FGF14: variants seen among roughly 807,000 people sequenced by gnomAD.
FGF14 encodes fibroblast growth factor 14.
FGF14 carries 5 observed loss-of-function variants against 25.5 expected under a neutral mutation model. The observed-to-expected ratio is 0.20, with a 90% CI of 0.10 to 0.41. The LOEUF is 0.41. FGF14 is among the 10% of genes least tolerant of loss of function. The pLI is 1.00. For synonymous variants in FGF14, 138 were observed against 118.3 expected, an observed-to-expected ratio of 1.17 and a Z score of -1.08; for missense variants, 222 against 320.1, an observed-to-expected ratio of 0.69 and a Z score of 2.34.
At chr13:101,921,882 A>G (rs919102276), upstream of FGF14, among the ~76,000 whole-genome samples, 4 of 152,210 alleles carry the variant, frequency 2.6e-5, no homozygotes, top group Non-Finnish European at 5.9e-5. Context: ...ATTTAAAATT[A>G]CAACTCATAA....
chr13:102,239,038 C>A (rs1409321107), intron 1 of FGF14, among the ~76,000 whole-genome samples: 1 of 151,788 alleles, frequency 6.6e-6, no homozygotes, highest in Admixed American at 6.6e-5. Context: ...GAACACTTCA[C>A]TGCAGCTGAG....
chr13:101,906,613 T>C (rs186365260), intron 1 of FGF14, among the ~76,000 whole-genome samples: 220 of 152,296 alleles, frequency 1.4e-3, no homozygotes, highest in Middle Eastern at 3.4e-3. Flanking sequence ...ACTGCATTCA[T>C]GTCTCGTTGT....
chr13:102,101,578 C>T lies in FGF14; in HGVS notation c.209-226282G>A, dbSNP rs531899511. ...GTGTACCCATTCTTTATCTCAAATA[C>T]ACTTTGCATTCATCCCAAAGCAAAG... On this transcript the variant is annotated intron_variant, in intron 1 of 4. Coordinates refer to the FGF14 transcript ENST00000376131. Among the ~76,000 whole-genome samples the T allele has an allele frequency of 9.2e-5, 14 of 152,290 alleles. No individual in the cohort carries two copies. In the South Asian group the frequency reaches 2.7e-3, roughly 29 times the overall value.
intron 3 of FGF14, among the ~76,000 whole-genome samples, chr13:101,736,495 C>T (rs780922835): frequency 1.3e-5 from 2 of 151,984 alleles, no homozygotes; most frequent in Non-Finnish European, 2.9e-5. Context: ...TATATTTTTA[C>T]GTTTCCTATT....
At chr13:102,085,639 A>G (rs1308246226) in intron 1 of FGF14, among the ~76,000 whole-genome samples, 2 of 152,230 alleles carry the variant, frequency 1.3e-5, no homozygotes, top group Non-Finnish European at 2.9e-5. Flanking sequence ...ACAATGTATT[A>G]TCCTGGGGAG....
At chr13:102,381,428 G>A (rs975047143) in intron 1 of FGF14, among the ~76,000 whole-genome samples, 7 of 152,140 alleles carry the variant, frequency 4.6e-5, no homozygotes, top group South Asian at 2.1e-4. Context: ...AGAGGCTCAC[G>A]GAAGATTGTT....
At chr13:101,903,036 GCCA>G (rs2031768892) in intron 1 of FGF14, among the ~76,000 whole-genome samples, 1 of 152,108 alleles carries the variant, frequency 6.6e-6, no homozygotes, top group Admixed American at 6.6e-5. Flanking sequence ...AGATCAGCTT[GCCA>G]GTTTTCTGGG....
At chr13:102,000,518 T>C (rs2039433723) in intron 1 of FGF14, among the ~76,000 whole-genome samples, 1 of 152,206 alleles carries the variant, frequency 6.6e-6, no homozygotes, top group African/African-American at 2.4e-5. Flanking sequence ...ATTGGCCTCA[T>C]TTATAGTTTT....
rs181747939 is a variant in FGF14 at position 101,720,389 on chromosome 13, A to G, written c.*2442T>C. Reference sequence around the variant, plus strand: ...AGACACCCCATATATAAAACACAACAGAGATACACATTTACATAAATCTCA... The same window carrying G: ...AGACACCCCATATATAAAACACAACGGAGATACACATTTACATAAATCTCA... On this transcript the variant is annotated 3_prime_UTR_variant, in exon 5 of 5. Coordinates refer to ENST00000376143, the MANE Select transcript of FGF14 (RefSeq NM_004115.4). 1.1e-4 allele frequency: 16 copies of G among 152,282 alleles called. No individual in the cohort carries two copies. The highest frequency in any genetic ancestry group is 2.1e-4 in the Non-Finnish European group (14 of 68,004). 9.4% of individuals were successfully genotyped at this position (152,282 alleles called of 1,614,324 possible).
intron 1 of FGF14, among the ~76,000 whole-genome samples, chr13:102,048,537 C>T (rs1168293455): frequency 6.6e-6 from 1 of 152,116 alleles, no homozygotes; most frequent in Non-Finnish European, 1.5e-5. Context: ...TGCCCGCTGT[C>T]GTGTATGACA....
intron 3 of FGF14, among the ~76,000 whole-genome samples, chr13:101,774,870 T>A (rs1182343560): frequency 1.3e-5 from 2 of 150,124 alleles, no homozygotes; most frequent in African/African-American, 4.9e-5. Flanking sequence ...CTGGCCAACA[T>A]GGTGAAACCG....
intron 1 of FGF14, among the ~76,000 whole-genome samples, chr13:102,019,083 G>A (rs1425315122): frequency 2.0e-5 from 3 of 152,112 alleles, no homozygotes; most frequent in South Asian, 2.1e-4. Flanking sequence ...AAGGCATCAT[G>A]ACAATATGCT....
At chr13:102,154,937 A>G (rs2607640) in intron 1 of FGF14, among the ~76,000 whole-genome samples, 103,750 of 151,944 alleles carry the variant, frequency 0.68, 36,560 homozygotes, top group East Asian at 0.92. Context: ...TAATGGTAAA[A>G]GGATCAATTC....
chr13:102,149,750 A>C (rs1203905434), intron 1 of FGF14, among the ~76,000 whole-genome samples: 1 of 152,242 alleles, frequency 6.6e-6, no homozygotes, highest in Non-Finnish European at 1.5e-5. Flanking sequence ...TCAGGCAGCA[A>C]GAGCAGCCCA....
At chr13:101,907,779 T>TACAGGAGGATGTGGGATAAC (rs1398145919) in intron 1 of FGF14, among the ~76,000 whole-genome samples, 24 of 152,226 alleles carry the variant, frequency 1.6e-4, no homozygotes, top group South Asian at 4.1e-4. Context: ...TTAAGGATAA[T>TACAGGAGGATGTGGGATAAC]ACAGGAGGAT....
chr13:101,856,615 C>T (rs2044139061), intron 3 of FGF14, among the ~76,000 whole-genome samples: 1 of 151,948 alleles, frequency 6.6e-6, no homozygotes, highest in Admixed American at 6.6e-5. Flanking sequence ...AATATGAGCA[C>T]ATTTTGATTA....
intron 3 of FGF14, among the ~76,000 whole-genome samples, chr13:101,794,193 C>T (rs1478099233): frequency 8.7e-6 from 1 of 115,284 alleles, no homozygotes; most frequent in Admixed American, 9.0e-5. Context: ...CTGTCTCTCT[C>T]CCCCTGGTTC....
At chr13:102,374,644 TTATATATATATATATATA>T (rs55670716) in intron 1 of FGF14, among the ~76,000 whole-genome samples, 755 of 49,356 alleles carry the variant, frequency 0.015, 17 homozygotes, top group African/African-American at 0.038. Context: ...CTTACATATT[TTATATATATATATATATA>T]TATATATATA....
At chr13:102,197,350 C>T (rs76812333) in intron 1 of FGF14, among the ~76,000 whole-genome samples, 2,907 of 152,102 alleles carry the variant, frequency 0.019, 92 homozygotes, top group African/African-American at 0.066. Flanking sequence ...TGCCCTAGAC[C>T]CAGGGGTACA....
Sources: gnomAD v4.1 joint callset for allele counts (sites outside exome capture counted in the v4.1 genomes callset) on GRCh38, gnomAD v4.1.1 for gene constraint, MANE v1.5 for transcripts, NCBI Gene and HGNC (gene_info 2026-07-23, HGNC 2026-07-21) for gene names.